Variants in SUCLG2 observed in about 807,000 individuals in gnomAD.
SUCLG2 encodes succinate--CoA ligase [GDP-forming] subunit beta, mitochondrial.
Under a neutral mutation model 47.9 loss-of-function variants are expected in SUCLG2, and 42 were observed. The ratio of observed to expected loss-of-function variants is 0.88; its 90% CI spans 0.69 to 1.14. SUCLG2 has a LOEUF of 1.14. Among genes scored for constraint, SUCLG2 ranks in the 50% most tolerant of loss-of-function variants. The probability of loss-of-function intolerance (pLI) is 0.00; values close to 1 mark genes in which losing one functional copy is unlikely to be tolerated. For synonymous variants in SUCLG2, 195 were observed against 197.3 expected (o/e 0.99, Z 0.10); for missense variants, 571 against 525.9 (o/e 1.09, Z -0.84).
chr3:67,630,055 T>C (rs1575829691), intron 1 of SUCLG2, among the ~76,000 whole-genome samples: 1 of 152,204 alleles, frequency 6.6e-6, no homozygotes, highest in East Asian at 1.9e-4. Context: ...AGGATTCTTA[T>C]GCTGTCTCTA....
At chr3:67,447,685 A>G (rs1703958185) in intron 9 of SUCLG2, among the ~76,000 whole-genome samples, 1 of 152,240 alleles carries the variant, frequency 6.6e-6, no homozygotes, top group African/African-American at 2.4e-5. Context: ...GTTCATAAAA[A>G]CTTGAAAAAA....
At chr3:67,423,474 C>T (rs1006805143) in intron 9 of SUCLG2, among the ~76,000 whole-genome samples, 2 of 152,154 alleles carry the variant, frequency 1.3e-5, no homozygotes, top group African/African-American at 4.8e-5. Context: ...ACAGGGCTAA[C>T]CTGATATGAG....
intron 2 of SUCLG2, among the ~76,000 whole-genome samples, chr3:67,549,945 C>T (rs1293128525): frequency 2.6e-5 from 4 of 151,942 alleles, no homozygotes; most frequent in Non-Finnish European, 4.4e-5. Context: ...AAGCTTATTA[C>T]GTATTAGATT....
rs142940581 is a variant in SUCLG2, at chr3:67,541,686, A to G, written c.227-12500T>C. 4.4e-3 allele frequency among the ~76,000 whole-genome samples: 675 copies of G among 152,304 alleles called. 8 individuals carry two copies. The East Asian group carries it at 0.053, about 12-fold the overall frequency. Reference sequence around the variant, plus strand: ...GAGAACACCACAAAGATACTCCTTGAGAAGAGCAACCCCAAGACACATAAT... The same window carrying G: ...GAGAACACCACAAAGATACTCCTTGGGAAGAGCAACCCCAAGACACATAAT... On this transcript the variant is annotated intron_variant, in intron 2 of 10. Transcript: ENST00000307227.
rs747917189 is a variant in SUCLG2 at position 67,498,291 on chromosome 3, G to C, written c.762C>G (p.Val254=). The C allele has an allele frequency of 2.5e-5, 41 of 1,610,244 alleles. No individual in the cohort carries two copies. In the South Asian group the frequency reaches 4.2e-4, roughly 16 times the overall value. The change falls in exon 8 of 11, where the codon GTC becomes GTG. Residue 254 remains valine (V), a synonymous_variant. Transcript: ENST00000307227. Reference sequence around the variant, plus strand: ...CAAAGTTTATCTTGGCATCAAAACAGACAACTAAATAAAGAAGAAAACAAT... The same window carrying C: ...CAAAGTTTATCTTGGCATCAAAACACACAACTAAATAAAGAAGAAAACAAT... The part of the protein sequence containing the change: ...PFGETPEGQV[V]CFDAKINFDD...
At chr3:67,495,965 G>C in intron 8 of SUCLG2, 25 bp from the exon 9 acceptor site, 1 of 1,613,420 alleles carries the variant, frequency 6.2e-7, no homozygotes, top group Non-Finnish European at 8.5e-7. Context: ...TGGGACACAA[G>C]ACAGGCTACA....
At chr3:67,526,332 T>A (rs977422420) in intron 4 of SUCLG2, among the ~76,000 whole-genome samples, 1 of 152,208 alleles carries the variant, frequency 6.6e-6, no homozygotes. Flanking sequence ...TTAGAAAGGT[T>A]ACAAATTTGT....
intron 9 of SUCLG2, among the ~76,000 whole-genome samples, chr3:67,418,949 G>C (rs1703093744): frequency 6.6e-6 from 1 of 151,806 alleles, no homozygotes; most frequent in Admixed American, 6.6e-5. Flanking sequence ...TGAAACCTTT[G>C]AAATAGCTGT....
chr3:67,471,702 C>A (rs1180601434), intron 9 of SUCLG2, among the ~76,000 whole-genome samples: 2 of 147,508 alleles, frequency 1.4e-5, no homozygotes, highest in African/African-American at 2.7e-5. Context: ...AGGGGAGAAC[C>A]TTGGTCTGTG....
chr3:67,399,669 T>A (rs1702639670), intron 10 of SUCLG2, among the ~76,000 whole-genome samples: 1 of 152,212 alleles, frequency 6.6e-6, no homozygotes, highest in Admixed American at 6.5e-5. Flanking sequence ...AAGATCTGCA[T>A]AATCACAAAT....
At chr3:67,634,409 A>T (rs954855525) in intron 1 of SUCLG2, among the ~76,000 whole-genome samples, 3 of 152,280 alleles carry the variant, frequency 2.0e-5, no homozygotes, top group East Asian at 3.9e-4. Flanking sequence ...ATTAAAATTT[A>T]AAAAAAATTT....
Position 67,475,988 on chromosome 3 carries a change from C to CCTCTCTCTCTCTCTCTCT in SUCLG2, c.1062+19792_1062+19809dup, listed in dbSNP as rs113119377. Among the ~76,000 whole-genome samples the CCTCTCTCTCTCTCTCTCT allele has an allele frequency of 1.9e-3, 277 of 146,122 alleles. 4 individuals are homozygous for CCTCTCTCTCTCTCTCTCT. The highest frequency in any genetic ancestry group is 2.9e-3 in the African/African-American group (114 of 40,000). On this transcript the variant is annotated intron_variant, in intron 9 of 10. Coordinates refer to ENST00000307227, the MANE Select transcript of SUCLG2 (RefSeq NM_003848.4). ...TGAGTATTCCTTCCCTTTCCTTCTC[C>CCTCTCTCTCTCTCTCTCT]CTCTCTCTCTCTCTCTCTCTCTCTC...
At chr3:67,566,584 A>G (rs992381922) in intron 2 of SUCLG2, among the ~76,000 whole-genome samples, 2 of 152,196 alleles carry the variant, frequency 1.3e-5, no homozygotes, top group Non-Finnish European at 1.5e-5. Flanking sequence ...CTTTTCTTCT[A>G]AAGTAAAAAA....
intron 9 of SUCLG2, among the ~76,000 whole-genome samples, chr3:67,439,434 A>C (rs1252336607): frequency 6.6e-6 from 1 of 152,208 alleles, no homozygotes; most frequent in Non-Finnish European, 1.5e-5. Flanking sequence ...GGAAAAGAGG[A>C]AGTCAAATTG....
chr3:67,423,119 A>G (rs6548542), intron 9 of SUCLG2, among the ~76,000 whole-genome samples: 120,023 of 152,018 alleles, frequency 0.79, 47,598 homozygotes, highest in Admixed American at 0.87. Flanking sequence ...ATGCCCACGT[A>G]TCAAGGTTGG....
rs896673472 is a variant in SUCLG2, at chr3:67,641,145, T to C, written c.84+13358A>G. 1.3e-4 allele frequency among the ~76,000 whole-genome samples: 20 copies of C among 152,198 alleles called. 1 individual carries two copies. The highest frequency in any genetic ancestry group is 2.1e-4 in the Non-Finnish European group (14 of 68,040). On this transcript the variant is annotated intron_variant, in intron 1 of 10. Transcript: ENST00000307227. Reference sequence around the variant, plus strand: ...ATTTCTAGAGCTCCTATTTGGGAAATGACAATAAACCTGTGCCCCTTTCCT... The same window carrying C: ...ATTTCTAGAGCTCCTATTTGGGAAACGACAATAAACCTGTGCCCCTTTCCT...
chr3:67,635,489 G>C (rs1700994344), intron 1 of SUCLG2, among the ~76,000 whole-genome samples: 1 of 152,160 alleles, frequency 6.6e-6, no homozygotes, highest in Non-Finnish European at 1.5e-5. Flanking sequence ...TCTGTCTCTT[G>C]GGCAGCAGCT....
At chr3:67,560,549 A>T (rs77564414) in intron 2 of SUCLG2, among the ~76,000 whole-genome samples, 1,604 of 152,262 alleles carry the variant, frequency 0.011, 21 homozygotes, top group East Asian at 0.051. Context: ...AAGGTAAGTA[A>T]AGCCTCCTCA....
At chr3:67,521,778 C>A (rs1024921835) in intron 4 of SUCLG2, among the ~76,000 whole-genome samples, 2 of 151,802 alleles carry the variant, frequency 1.3e-5, no homozygotes, top group African/African-American at 4.9e-5. Context: ...TGCCACCATG[C>A]TTGGCTAATT....
Sources: allele counts gnomAD v4.1 joint callset (sites outside exome capture counted in the v4.1 genomes callset), GRCh38; gene constraint gnomAD v4.1.1; transcripts MANE v1.5; gene names NCBI Gene and HGNC (gene_info 2026-07-23, HGNC 2026-07-21).